TNIK: variants seen among roughly 807,000 people sequenced by gnomAD.
TNIK encodes the protein TRAF2 and NCK interacting kinase.
A neutral mutation model predicts 191.3 loss-of-function variants in TNIK; 49 were observed. The observed-to-expected ratio is 0.26, with a 90% confidence interval of 0.20 to 0.32. The LOEUF is 0.32. Among genes scored for constraint, TNIK ranks in the 10% least tolerant of loss-of-function variants. The pLI is 1.00. For missense variants in TNIK, 1,155 were observed against 1,702.3 expected (o/e 0.68, Z 5.66); for synonymous variants, 594 against 600.9 (o/e 0.99, Z 0.17).
chr3:171,457,431 G>A (rs1236883833), intron 1 of TNIK, among the ~76,000 whole-genome samples: 2 of 152,172 alleles, frequency 1.3e-5, no homozygotes, highest in African/African-American at 4.8e-5. Flanking sequence ...CGAGGGACTG[G>A]TAAGTCTGCA....
chr3:171,211,283 G>T, intron 3 of TNIK, 42 bp from the exon 4 acceptor site: 1 of 1,562,574 alleles, frequency 6.4e-7, no homozygotes, highest in Non-Finnish European at 8.7e-7. Context: ...GAAAATCTAT[G>T]GTTGTTAGTA....
chr3:171,267,714 T>C (rs1323789033), intron 2 of TNIK, among the ~76,000 whole-genome samples: 2 of 152,176 alleles, frequency 1.3e-5, no homozygotes, highest in African/African-American at 2.4e-5. Context: ...CTACAGCCTT[T>C]TAGATAGGGC....
chr3:171,088,465 C>T (rs1345345174), intron 23 of TNIK, among the ~76,000 whole-genome samples: 2 of 152,172 alleles, frequency 1.3e-5, no homozygotes, highest in Non-Finnish European at 2.9e-5. Flanking sequence ...GAATTCCTGA[C>T]CTTGTGATCC....
At chr3:171,356,503 G>A (rs997149878) in intron 2 of TNIK, among the ~76,000 whole-genome samples, 1 of 152,154 alleles carries the variant, frequency 6.6e-6, no homozygotes, top group Non-Finnish European at 1.5e-5. Context: ...AAGATGAGAA[G>A]CACTATATAT....
intron 2 of TNIK, among the ~76,000 whole-genome samples, chr3:171,236,527 G>T (rs1744289019): frequency 6.6e-6 from 1 of 152,178 alleles, no homozygotes; most frequent in Non-Finnish European, 1.5e-5. Flanking sequence ...AAGGGTCAGG[G>T]AGAGAAAGAT....
chr3:171,213,580 T>A (rs1190335860), intron 3 of TNIK, among the ~76,000 whole-genome samples: 1 of 152,046 alleles, frequency 6.6e-6, no homozygotes, highest in Non-Finnish European at 1.5e-5. Context: ...AATAAGAGCT[T>A]ATAAAACAGT....
At chr3:171,365,245 C>A (rs546278243) in intron 2 of TNIK, among the ~76,000 whole-genome samples, 6 of 124,732 alleles carry the variant, frequency 4.8e-5, no homozygotes, top group Non-Finnish European at 9.5e-5. Context: ...TGCAATGGTG[C>A]GATCTCAGCT....
At chr3:171,246,370 AATAG>A (rs1053160418) in intron 2 of TNIK, among the ~76,000 whole-genome samples, 33 of 152,338 alleles carry the variant, frequency 2.2e-4, no homozygotes, top group Middle Eastern at 3.4e-3. Flanking sequence ...GGCTGGAAAT[AATAG>A]ATAGTCTGTA....
chr3:171,320,293 C>A (rs889561676), intron 2 of TNIK, among the ~76,000 whole-genome samples: 1 of 151,968 alleles, frequency 6.6e-6, no homozygotes, highest in African/African-American at 2.4e-5. Context: ...GTGTCTTGCC[C>A]TCTGCCTATA....
chr3:171,151,685 G>A (rs1251358606), intron 12 of TNIK, among the ~76,000 whole-genome samples: 2 of 152,192 alleles, frequency 1.3e-5, no homozygotes, highest in African/African-American at 2.4e-5. Context: ...GCAGTCTTAG[G>A]CTCTAGAGTC....
intron 24 of TNIK, 28 bp from the exon 25 acceptor site, chr3:171,085,257 G>A (rs1445309461): frequency 6.4e-7 from 1 of 1,570,546 alleles, no homozygotes; most frequent in Non-Finnish European, 8.7e-7. Flanking sequence ...AGATTAAGAA[G>A]AGCAGATAAA....
chr3:171,088,999 AT>A (rs1721711773), intron 23 of TNIK, among the ~76,000 whole-genome samples: 1 of 152,146 alleles, frequency 6.6e-6, no homozygotes, highest in Admixed American at 6.5e-5. Context: ...CTTGTCATGG[AT>A]TTGCAATTAC....
In TNIK at chr3:171,102,713, A is replaced by G. The variant is rs182337649; in HGVS notation, c.2407-1080T>C. Among the ~76,000 whole-genome samples the G allele has an allele frequency of 4.6e-5, 7 of 152,282 alleles. No individual in the cohort carries two copies. In the East Asian group the frequency reaches 1.4e-3, roughly 29 times the overall value. On this transcript the variant is annotated intron_variant, in intron 21 of 32. Coordinates refer to ENST00000436636, the MANE Select transcript of TNIK (RefSeq NM_015028.4). Reference sequence around the variant, plus strand: ...TAGGGAGAAAGAAACTCATTGAAAAATACTAAATCCCACAGTTTTCTATGG... The same window carrying G: ...TAGGGAGAAAGAAACTCATTGAAAAGTACTAAATCCCACAGTTTTCTATGG...
At chr3:171,265,057 A>G (rs984933119) in intron 2 of TNIK, among the ~76,000 whole-genome samples, 3 of 152,198 alleles carry the variant, frequency 2.0e-5, no homozygotes, top group Admixed American at 1.3e-4. Context: ...ACACAAAATG[A>G]GTGCTCATTA....
intron 2 of TNIK, among the ~76,000 whole-genome samples, chr3:171,334,309 A>G (rs189125703): frequency 1.4e-3 from 211 of 152,290 alleles, no homozygotes; most frequent in African/African-American, 5.0e-3. Context: ...AATCCTCTGC[A>G]CTGTGACCGT....
chr3:171,192,336 C>A (rs182433020), intron 5 of TNIK, among the ~76,000 whole-genome samples: 26 of 152,258 alleles, frequency 1.7e-4, no homozygotes, highest in African/African-American at 5.5e-4. Context: ...AAAGCAGATA[C>A]CAGAGCATGG....
intron 16 of TNIK, among the ~76,000 whole-genome samples, chr3:171,127,395 G>C (rs771466794): frequency 6.6e-6 from 1 of 150,568 alleles, no homozygotes; most frequent in Non-Finnish European, 1.5e-5. Flanking sequence ...AAAATATCTA[G>C]TATAAAACAC....
intron 1 of TNIK, among the ~76,000 whole-genome samples, chr3:171,444,588 A>G (rs1049465933): frequency 7.2e-5 from 11 of 152,078 alleles, no homozygotes; most frequent in South Asian, 2.1e-4. Context: ...AAAAAAAAAA[A>G]AAAGAAAAAG....
intron 2 of TNIK, among the ~76,000 whole-genome samples, chr3:171,342,063 T>A (rs1356618857): frequency 1.3e-5 from 2 of 152,252 alleles, no homozygotes; most frequent in Non-Finnish European, 2.9e-5. Context: ...ATAATTTAAA[T>A]ATAACCAAAA....
Sources: gnomAD v4.1 joint callset for allele counts (sites outside exome capture counted in the v4.1 genomes callset) on GRCh38, gnomAD v4.1.1 for gene constraint, MANE v1.5 for transcripts, NCBI Gene and HGNC (gene_info 2026-07-23, HGNC 2026-07-21) for gene names.